Variants in P4HA3 observed in about 807,000 individuals in gnomAD.
The protein encoded by P4HA3 is prolyl 4-hydroxylase subunit alpha-3.
Under a neutral mutation model 66.7 loss-of-function variants are expected in P4HA3, and 60 were observed. The observed-to-expected ratio is 0.90, with a 90% CI of 0.73 to 1.12. P4HA3 has a LOEUF of 1.12. P4HA3 is among the 50% of genes most tolerant of loss of function. The pLI, the probability that P4HA3 is intolerant of heterozygous loss-of-function variation, is 0.00. For missense variants in P4HA3, 683 were observed against 685.8 expected (o/e 1.00, Z 0.05); for synonymous variants, 263 against 274.6 (o/e 0.96, Z 0.42).
chr11:74,294,732 T>C (rs1861156382), intron 4 of P4HA3, among the ~76,000 whole-genome samples: 1 of 152,220 alleles, frequency 6.6e-6, no homozygotes, highest in Non-Finnish European at 1.5e-5. Flanking sequence ...TTTGCCTGGG[T>C]ATCAGCAGCA....
At chr11:74,250,724 A>G in intron 15 of P4HA3, 2 of 503,880 alleles carry the variant, frequency 4.0e-6, no homozygotes, top group African/African-American at 1.9e-5. Context: ...TCTGGCCCAC[A>G]GTAAATGTAC....
chr11:74,300,393 G>C (rs2134813392), intron 3 of P4HA3, among the ~76,000 whole-genome samples: 1 of 152,338 alleles, frequency 6.6e-6, no homozygotes, highest in East Asian at 1.9e-4. Flanking sequence ...CACTTTGGGA[G>C]GCTGAGGCAG....
downstream of P4HA3, among the ~76,000 whole-genome samples, chr11:74,265,056 T>C (rs1859968592): frequency 6.6e-6 from 1 of 152,198 alleles, no homozygotes; most frequent in Non-Finnish European, 1.5e-5. Context: ...TGGGGATAAC[T>C]GTATTGACCT....
At chr11:74,293,828 A>C (rs1861120153) in intron 4 of P4HA3, among the ~76,000 whole-genome samples, 1 of 152,212 alleles carries the variant, frequency 6.6e-6, no homozygotes. Context: ...TGTTAGTCTA[A>C]TGGGCTTCCC....
At chr11:74,251,133 C>CT in intron 15 of P4HA3, 1 of 1,512,838 alleles carries the variant, frequency 6.6e-7, no homozygotes, top group Non-Finnish European at 8.9e-7. Flanking sequence ...GCTGTGGAGC[C>CT]TATGCAGATG....
In P4HA3 at chr11:74,302,532, C is replaced by G; in HGVS notation, c.404G>C (p.Gly135Ala). The part of the protein sequence containing the change: ...QDLPAFEDLE[G>A]AARALMRLQD... ...CAGCCGCATCAGGGCCCTTGCTGCTCCCTCAAGGTCCTCAAAGGCTGGAAG... is the reference window on the plus strand; with the variant it reads ...CAGCCGCATCAGGGCCCTTGCTGCTGCCTCAAGGTCCTCAAAGGCTGGAAG... Residue 135 changes from glycine (G) to alanine (A), a missense_variant, in exon 3 of 13, where the codon GGA becomes GCA. Gly to Ala is a moderately conservative substitution (Grantham distance 60). Coordinates refer to ENST00000331597, the MANE Select transcript of P4HA3 (RefSeq NM_182904.5). 1 of 1,614,214 alleles carries G rather than the reference C, an allele frequency of 6.2e-7. No individual in the cohort carries two copies. Among genetic ancestry groups the G allele is most frequent in the Non-Finnish European group, 8.5e-7 (1 of 1,180,048 alleles).
At chr11:74,287,046 T>C in intron 5 of P4HA3, 4 of 1,088,348 alleles carry the variant, frequency 3.7e-6, no homozygotes, top group Non-Finnish European at 4.6e-6. Flanking sequence ...ACTCTAGACT[T>C]TGGCTCTAGA....
intron 9 of P4HA3, among the ~76,000 whole-genome samples, chr11:74,273,978 A>G (rs1336810639): frequency 6.6e-6 from 1 of 152,186 alleles, no homozygotes; most frequent in African/African-American, 2.4e-5. Context: ...CCAGAGTTCC[A>G]ATTACTTGCT....
chr11:74,285,579 C>T (rs1011594889), intron 7 of P4HA3: 8 of 460,214 alleles, frequency 1.7e-5, no homozygotes, highest in African/African-American at 1.6e-4. Flanking sequence ...AGCACATTTT[C>T]AATACCCCAG....
intron 7 of P4HA3, among the ~76,000 whole-genome samples, chr11:74,281,953 T>C (rs1860619354): frequency 6.6e-6 from 1 of 150,816 alleles, no homozygotes. Flanking sequence ...ATGAACAACA[T>C]GTGCTTGCGA....
rs781396708 is a variant in P4HA3 at position 74,269,689 on chromosome 11, G to A, written c.1430C>T (p.Ala477Val). Reference protein sequence around the residue: ...LSSVEAGGATAFIYANLSVPV... With the variant: ...LSSVEAGGATVFIYANLSVPV... The stretch of plus-strand genomic sequence containing the variant: ...CACGCTGAGGTTGGCATAGATGAAG[G>A]CTGTGGCTCCTCCAGCTTCCACCGA... Residue 477 changes from alanine to valine, a missense_variant, in exon 11 of 13, where the codon GCC (alanine) becomes GTC (valine). By Grantham distance (64) the Ala-to-Val change is moderately conservative. Transcript: ENST00000331597. The A allele has an allele frequency of 3.1e-6, 5 of 1,613,766 alleles. No individual in the cohort carries two copies. The African/African-American group carries it at 6.7e-5, about 22-fold the overall frequency.
Position 74,267,310 on chromosome 11 carries a change from T to G in P4HA3, c.1573A>C (p.Lys525Gln). The change falls in exon 13 of 13, where the codon AAG (lysine) becomes CAG (glutamine). Residue 525 changes from lysine (K) to glutamine (Q), a missense_variant. Transcript: ENST00000331597. ...TCCTGTCCATACTCATGTATCCACT[T>G]GTTGGCCACTGGGAGAGAACAGGGA... Reference protein sequence around the residue: ...VLVGDKWVANKWIHEYGQEFR... With the variant: ...VLVGDKWVANQWIHEYGQEFR... The G allele has an allele frequency of 6.2e-7, 1 of 1,614,134 alleles. No homozygotes were observed. The highest frequency in any genetic ancestry group is 8.5e-7 in the Non-Finnish European group (1 of 1,179,994).
At chr11:74,270,587 A>C (rs184002798) in intron 10 of P4HA3, among the ~76,000 whole-genome samples, 1 of 152,360 alleles carries the variant, frequency 6.6e-6, no homozygotes, top group East Asian at 1.9e-4. Flanking sequence ...TAAAAGTTAC[A>C]CTATGTCCTT....
chr11:74,252,676 A>C, intron 15 of P4HA3: 1 of 367,240 alleles, frequency 2.7e-6, no homozygotes, highest in Non-Finnish European at 5.5e-6. Context: ...ACCTGATAAC[A>C]GTAGTACCCC....
chr11:74,266,953 C>T lies in P4HA3; in HGVS notation c.*295G>A, dbSNP rs918342877. On this transcript the variant is annotated 3_prime_UTR_variant, in exon 13 of 13. Transcript: ENST00000331597. ...ATCGAACCTGAGACTGTTGAGATGT[C>T]CTGTTCCCAACAGAGAGTATCTGAA... 19 of 1,371,978 alleles carry T rather than the reference C, an allele frequency of 1.4e-5. No homozygotes were observed. Among genetic ancestry groups the T allele is most frequent in the Admixed American group, 2.4e-5 (1 of 40,892 alleles). The allele number at this position is 1,371,978 out of a possible 1,614,324, so 85.0% of individuals were successfully genotyped here.
intron 5 of P4HA3, among the ~76,000 whole-genome samples, chr11:74,286,816 G>C (rs1177310654): frequency 6.6e-6 from 1 of 152,180 alleles, no homozygotes; most frequent in Non-Finnish European, 1.5e-5. Flanking sequence ...TGACCTCTCA[G>C]AGTTTAGAGT....
chr11:74,253,342 T>C (rs1454918091), intron 15 of P4HA3: 1 of 756,516 alleles, frequency 1.3e-6, no homozygotes, highest in African/African-American at 1.7e-5. Flanking sequence ...GAGCAGACCC[T>C]GGGTCCAGCT....
At chr11:74,297,171 C>G (rs1861247804) in intron 4 of P4HA3, among the ~76,000 whole-genome samples, 1 of 152,060 alleles carries the variant, frequency 6.6e-6, no homozygotes, top group South Asian at 2.1e-4. Context: ...TCAGGCTGGT[C>G]TTGAACTCCT....
chr11:74,261,773 G>A (rs998603481), downstream of P4HA3, among the ~76,000 whole-genome samples: 2 of 152,300 alleles, frequency 1.3e-5, no homozygotes, highest in Middle Eastern at 6.8e-3. Context: ...GGAATGCTTA[G>A]CTGAATGAAT....
Sources: allele counts gnomAD v4.1 joint callset (sites outside exome capture counted in the v4.1 genomes callset), GRCh38; gene constraint gnomAD v4.1.1; transcripts MANE v1.5; gene names NCBI Gene and HGNC (gene_info 2026-07-23, HGNC 2026-07-21).